SAMTOR: variants seen among roughly 807,000 people sequenced by gnomAD.
SAMTOR encodes the protein S-adenosylmethionine sensor upstream of mTORC1.
the SAMTOR span, among the ~76,000 whole-genome samples, chr7:112,919,033 G>T: frequency 6.4e-3 from 980 of 152,282 alleles, 27 homozygotes; most frequent in Admixed American, 0.041. Flanking sequence ...ACATTAAACA[G>T]ATCAACGAGA....
the SAMTOR span, among the ~76,000 whole-genome samples, chr7:112,835,333 CT>C: frequency 6.6e-6 from 1 of 152,146 alleles, no homozygotes; most frequent in East Asian, 1.9e-4. Context: ...CTCCTTACCA[CT>C]CTGCTGAGGA....
At chr7:112,880,250 T>C in the SAMTOR span, among the ~76,000 whole-genome samples, 1 of 152,192 alleles carries the variant, frequency 6.6e-6, no homozygotes, top group Non-Finnish European at 1.5e-5. Flanking sequence ...CTATTTTCAT[T>C]CTCAATGCCT....
the SAMTOR span, among the ~76,000 whole-genome samples, chr7:112,915,770 T>A: frequency 2.6e-5 from 4 of 152,236 alleles, no homozygotes; most frequent in Non-Finnish European, 2.9e-5. Context: ...ACTGTATATA[T>A]GAGTTATCAG....
At chr7:112,913,580 G>C in the SAMTOR span, among the ~76,000 whole-genome samples, 1 of 152,112 alleles carries the variant, frequency 6.6e-6, no homozygotes, top group African/African-American at 2.4e-5. Context: ...CACTTCTTTT[G>C]TCAAAACAGC....
At chr7:112,917,386 T>C in the SAMTOR span, among the ~76,000 whole-genome samples, 1 of 152,212 alleles carries the variant, frequency 6.6e-6, no homozygotes, top group East Asian at 1.9e-4. Context: ...CAGCTGAGGG[T>C]CCTGTCTGTT....
the SAMTOR span, among the ~76,000 whole-genome samples, chr7:112,863,923 C>A: frequency 2.0e-5 from 3 of 152,158 alleles, no homozygotes; most frequent in African/African-American, 7.2e-5. Flanking sequence ...AAATATAAAT[C>A]ATTCTATTAT....
chr7:112,894,577 A>G, the SAMTOR span, among the ~76,000 whole-genome samples: 1 of 152,194 alleles, frequency 6.6e-6, no homozygotes, highest in Non-Finnish European at 1.5e-5. Context: ...GGCGAAAGGC[A>G]TATCTTACTT....
At chr7:112,832,490 G>T in the SAMTOR span, 1 of 856,068 alleles carries the variant, frequency 1.2e-6, no homozygotes, top group Non-Finnish European at 2.0e-6. Context: ...TTTTAGGGAT[G>T]CAAAGACAGT....
At chr7:112,896,191 G>A in the SAMTOR span, among the ~76,000 whole-genome samples, 3,470 of 152,062 alleles carry the variant, frequency 0.023, 67 homozygotes, top group Admixed American at 0.042. Flanking sequence ...GTGAGTGTGC[G>A]TGCACGCGCG....
chr7:112,918,646 G>C, the SAMTOR span, among the ~76,000 whole-genome samples: 1 of 152,156 alleles, frequency 6.6e-6, no homozygotes, highest in African/African-American at 2.4e-5. Context: ...AAAAGACACA[G>C]ACTGGCAAAT....
the SAMTOR span, chr7:112,915,311 A>G: frequency 6.2e-7 from 1 of 1,610,802 alleles, no homozygotes. Context: ...CTTACCTACA[A>G]CACCATTCAA....
At chr7:112,899,027 C>T in the SAMTOR span, among the ~76,000 whole-genome samples, 1 of 152,104 alleles carries the variant, frequency 6.6e-6, no homozygotes, top group African/African-American at 2.4e-5. Flanking sequence ...CTTCTATGCC[C>T]AGACACTGAA....
At chr7:112,914,129 T>A in the SAMTOR span, among the ~76,000 whole-genome samples, 152 of 152,280 alleles carry the variant, frequency 1.0e-3, no homozygotes, top group African/African-American at 3.6e-3. Context: ...GAATGAAATA[T>A]GCATTATTAC....
the SAMTOR span, among the ~76,000 whole-genome samples, chr7:112,834,328 G>A: frequency 1.3e-5 from 2 of 148,608 alleles, no homozygotes; most frequent in Admixed American, 6.7e-5. Context: ...ATATTCCTTG[G>A]TATTTCCTAG....
At chr7:112,840,831 C>T in the SAMTOR span, among the ~76,000 whole-genome samples, 2 of 151,928 alleles carry the variant, frequency 1.3e-5, no homozygotes, top group African/African-American at 4.8e-5. Flanking sequence ...ATTAACAGAA[C>T]CACATGATTA....
chr7:112,860,640 C>T, the SAMTOR span, among the ~76,000 whole-genome samples: 3 of 152,064 alleles, frequency 2.0e-5, no homozygotes, highest in South Asian at 6.2e-4. Flanking sequence ...CCGTGGCTCA[C>T]GCCTGTAATC....
the SAMTOR span, among the ~76,000 whole-genome samples, chr7:112,922,898 C>G: frequency 3.5e-5 from 5 of 144,192 alleles, no homozygotes; most frequent in Admixed American, 6.8e-5. Context: ...AGCCCCCCCC[C>G]CCCGGGCCAG....
chr7:112,853,224 A>AGAATGTACAGCC, the SAMTOR span, among the ~76,000 whole-genome samples: 3 of 152,068 alleles, frequency 2.0e-5, no homozygotes, highest in African/African-American at 7.2e-5. Context: ...TTATAACTTA[A>AGAATGTACAGCC]CTTATAACTT....
the SAMTOR span, among the ~76,000 whole-genome samples, chr7:112,843,727 G>A: frequency 6.6e-6 from 1 of 151,870 alleles, no homozygotes; most frequent in South Asian, 2.1e-4. Flanking sequence ...ACAAAGAGCT[G>A]GTACCACTCC....
Sources: allele counts gnomAD v4.1 joint callset (sites outside exome capture counted in the v4.1 genomes callset), GRCh38; gene constraint gnomAD v4.1.1; transcripts MANE v1.5; gene names NCBI Gene and HGNC (gene_info 2026-07-23, HGNC 2026-07-21).